Variants in ILKAP observed in about 807,000 individuals in gnomAD.
ILKAP encodes the protein ILK associated serine/threonine phosphatase.
In ILKAP, 11 loss-of-function variants were observed where a neutral mutation model predicts 49.1. The ratio of observed to expected loss-of-function variants is 0.22; its 90% CI spans 0.14 to 0.37. The LOEUF (loss-of-function observed/expected upper bound fraction) is 0.37. Ranked by LOEUF, ILKAP falls within the 10% of genes least tolerant of loss-of-function variation. The probability of loss-of-function intolerance (pLI) is 1.00; values close to 1 mark genes in which losing one functional copy is unlikely to be tolerated. For missense variants in ILKAP, 363 were observed against 510.8 expected (o/e 0.71, Z 2.79); for synonymous variants, 186 against 192.8 (o/e 0.96, Z 0.29).
chr2:238,184,337 G>A (rs953175699), intron 6 of ILKAP, among the ~76,000 whole-genome samples: 5 of 151,822 alleles, frequency 3.3e-5, no homozygotes, highest in African/African-American at 9.7e-5. Context: ...ATACAGGCGC[G>A]CGCAACCATG....
chr2:238,185,068 G>A (rs982907153), intron 6 of ILKAP, 113 bp downstream of exon 6: 3 of 681,648 alleles, frequency 4.4e-6, no homozygotes, highest in African/African-American at 3.6e-5. Context: ...ACTCTTTTAA[G>A]ACTCATCAAT....
rs764066686 is a variant in ILKAP, at chr2:238,171,029, A to C, written c.957-5T>G. On this transcript the variant is annotated splice_region_variant and splice_polypyrimidine_tract_variant and intron_variant, in intron 10 of 11. Coordinates refer to ENST00000254654, the MANE Select transcript of ILKAP (RefSeq NM_030768.3). ...TCACAGGCCAACAAAATGAACCTAC[A>C]ACACCAGGGAGAAATATAAACGGGT... The C allele has an allele frequency of 6.2e-6, 10 of 1,610,424 alleles. No homozygotes were observed. In the Admixed American group the frequency reaches 1.7e-4, roughly 27 times the overall value.
intron 5 of ILKAP, among the ~76,000 whole-genome samples, chr2:238,187,502 T>C (rs1231546628): frequency 6.6e-6 from 1 of 152,228 alleles, no homozygotes; most frequent in Non-Finnish European, 1.5e-5. Flanking sequence ...TCCTACCTTC[T>C]GGTTTTTTTC....
Position 238,200,943 on chromosome 2 carries a change from C to G in ILKAP, c.55+2556G>C, listed in dbSNP as rs370184226. On this transcript the variant is annotated intron_variant, in intron 1 of 11. Transcript: ENST00000254654. Reference sequence around the variant, plus strand: ...GTGGCAAGTGTCACCCCTTTTTACACATGTAGGAATAGCCACAGAAGGCAC... The same window carrying G: ...GTGGCAAGTGTCACCCCTTTTTACAGATGTAGGAATAGCCACAGAAGGCAC... 5.3e-5 allele frequency among the ~76,000 whole-genome samples: 8 copies of G among 152,372 alleles called. No individual in the cohort carries two copies. In the East Asian group the frequency reaches 5.8e-4, roughly 11 times the overall value.
At chr2:238,197,186 ACT>A (rs1694378710) in intron 1 of ILKAP, among the ~76,000 whole-genome samples, 1 of 152,206 alleles carries the variant, frequency 6.6e-6, no homozygotes, top group Non-Finnish European at 1.5e-5. Flanking sequence ...ACAAAACCAG[ACT>A]CTGTCCCCAG....
At chr2:238,187,452 GTAATATGTACTA>G (rs2106335089) in intron 5 of ILKAP, among the ~76,000 whole-genome samples, 1 of 45,918 alleles carries the variant, frequency 2.2e-5, no homozygotes, top group African/African-American at 4.6e-5. Context: ...TGTAACCTAT[GTAATATGTACTA>G]TAATGTATGT....
chr2:238,183,624 T>C, intron 8 of ILKAP, 29 bp downstream of exon 8: 4 of 1,495,292 alleles, frequency 2.7e-6, no homozygotes, highest in Non-Finnish European at 3.7e-6. Flanking sequence ...CGTATTGTCA[T>C]CTAAGTGGGT....
intron 3 of ILKAP, among the ~76,000 whole-genome samples, chr2:238,192,694 A>G (rs1694184547): frequency 9.1e-6 from 1 of 110,388 alleles, no homozygotes; most frequent in South Asian, 3.7e-4. Flanking sequence ...AGAGAGAGAC[A>G]GTCTCAAAAA....
In ILKAP at chr2:238,194,258, T is replaced by C. The variant is rs1253595627; in HGVS notation, c.178+17A>G. On this transcript the variant is annotated intron_variant, in intron 3 of 11. Transcript: ENST00000254654. Reference sequence around the variant, plus strand: ...GTATTATTTCCATCAGCACCTTGGATTTTTCCTACCACTTACCTGAATCGC... The same window carrying C: ...GTATTATTTCCATCAGCACCTTGGACTTTTCCTACCACTTACCTGAATCGC... 1.2e-6 allele frequency: 2 copies of C among 1,611,802 alleles called. No homozygotes were observed. Among genetic ancestry groups the C allele is most frequent in the Non-Finnish European group, 1.7e-6 (2 of 1,177,920 alleles).
chr2:238,194,583 C>T lies in ILKAP; in HGVS notation c.121+222G>A, dbSNP rs1243031659. 5.0e-6 allele frequency: 3 copies of T among 604,238 alleles called. No individual in the cohort carries two copies. The African/African-American group carries it at 5.6e-5, about 11-fold the overall frequency. The allele number at this position is 604,238 out of a possible 1,614,324, so 37.4% of individuals were successfully genotyped here. A position where few individuals can be genotyped will look rare whatever the true frequency, so the allele number is the denominator to read the frequency against. On this transcript the variant is annotated intron_variant, in intron 2 of 11. Coordinates refer to ENST00000254654, the MANE Select transcript of ILKAP (RefSeq NM_030768.3). ...GTAGTAAAATAAATACTCAAATGAA[C>T]CAGAGAAAACTGCTCCACATTTCCT...
At chr2:238,201,509 G>C (rs1397078136) in intron 1 of ILKAP, among the ~76,000 whole-genome samples, 2 of 152,146 alleles carry the variant, frequency 1.3e-5, no homozygotes, top group African/African-American at 4.8e-5. Context: ...TAAACACCAT[G>C]CACCCCCTCT....
intron 3 of ILKAP, 139 bp from the exon 4 acceptor site, chr2:238,190,111 T>C (rs1381291041): frequency 1.2e-5 from 10 of 802,076 alleles, no homozygotes; most frequent in South Asian, 4.4e-5. Flanking sequence ...GACCCAGGAG[T>C]TGTGTCTTCA....
intron 9 of ILKAP, among the ~76,000 whole-genome samples, chr2:238,177,589 T>C (rs928173135): frequency 8.5e-5 from 13 of 152,372 alleles, no homozygotes; most frequent in South Asian, 2.1e-4. Flanking sequence ...TCTTTTTGCA[T>C]CTGGCTTCTT....
intron 9 of ILKAP, among the ~76,000 whole-genome samples, chr2:238,176,156 CAG>C (rs1163533113): frequency 2.0e-4 from 4 of 20,458 alleles, no homozygotes; most frequent in Admixed American, 6.7e-4. Flanking sequence ...TTTTTTGAGA[CAG>C]AGTCTCACTC....
At chr2:238,174,008 G>C (rs1358651973) in intron 9 of ILKAP, 2 of 213,844 alleles carry the variant, frequency 9.4e-6, no homozygotes, top group African/African-American at 2.3e-5. Flanking sequence ...GAGCCTGGCA[G>C]TGTTTTGTAT....
chr2:238,197,331 G>C (rs1032647661), intron 1 of ILKAP, among the ~76,000 whole-genome samples: 1 of 152,200 alleles, frequency 6.6e-6, no homozygotes, highest in African/African-American at 2.4e-5. Context: ...TCTCCGGACA[G>C]ACTCAAAAAC....
At chr2:238,179,661 T>C (rs1277929680) in intron 9 of ILKAP, among the ~76,000 whole-genome samples, 1 of 152,114 alleles carries the variant, frequency 6.6e-6, no homozygotes, top group Non-Finnish European at 1.5e-5. Flanking sequence ...ATTTGGCAAC[T>C]TAATTAAGGG....
chr2:238,192,968 G>C (rs1169676659), intron 3 of ILKAP, among the ~76,000 whole-genome samples: 1 of 151,940 alleles, frequency 6.6e-6, no homozygotes, highest in African/African-American at 2.4e-5. Flanking sequence ...AGCCAAGATT[G>C]TGCCACTGCA....
intron 3 of ILKAP, among the ~76,000 whole-genome samples, chr2:238,191,961 C>A (rs1266079765): frequency 1.3e-5 from 2 of 150,898 alleles, no homozygotes; most frequent in Admixed American, 6.6e-5. Context: ...GCCTGTAATC[C>A]CAGCACTTTG....
Sources: allele counts gnomAD v4.1 joint callset (sites outside exome capture counted in the v4.1 genomes callset), GRCh38; gene constraint gnomAD v4.1.1; transcripts MANE v1.5; gene names NCBI Gene and HGNC (gene_info 2026-07-23, HGNC 2026-07-21).